DTNB: variants seen among roughly 807,000 people sequenced by gnomAD.
DTNB encodes the protein dystrobrevin beta.
In DTNB, 63 loss-of-function variants were observed where a neutral mutation model predicts 90.7. The observed-to-expected ratio is 0.69, with a 90% CI of 0.57 to 0.86. The LOEUF is 0.86. DTNB is among the 40% of genes least tolerant of loss of function. DTNB has a pLI of 0.00. For missense variants in DTNB, 744 were observed against 807.1 expected (o/e 0.92, Z 0.95); for synonymous variants, 277 against 286.7 (o/e 0.97, Z 0.34).
chr2:25,430,598 A>G (rs1387788723), intron 14 of DTNB, among the ~76,000 whole-genome samples: 1 of 152,194 alleles, frequency 6.6e-6, no homozygotes, highest in Non-Finnish European at 1.5e-5. Context: ...TTAAGCTTAG[A>G]AAACAAAAAG....
At chr2:25,429,654 T>G (rs909337923) in intron 14 of DTNB, among the ~76,000 whole-genome samples, 2 of 152,186 alleles carry the variant, frequency 1.3e-5, no homozygotes, top group African/African-American at 4.8e-5. Flanking sequence ...GGTCAGGGGA[T>G]GGGCCTTACT....
intron 10 of DTNB, among the ~76,000 whole-genome samples, chr2:25,465,794 A>G (rs1284518548): frequency 1.3e-5 from 2 of 152,144 alleles, no homozygotes; most frequent in African/African-American, 4.8e-5. Flanking sequence ...CTAAAACCTG[A>G]AACTCTCTGC....
intron 5 of DTNB, among the ~76,000 whole-genome samples, chr2:25,599,674 G>A (rs1265085796): frequency 6.6e-6 from 1 of 152,096 alleles, no homozygotes; most frequent in African/African-American, 2.4e-5. Context: ...CTACCATGCA[G>A]ACAGTTAGAA....
intron 11 of DTNB, among the ~76,000 whole-genome samples, chr2:25,455,037 G>A (rs2059802108): frequency 6.6e-6 from 1 of 152,142 alleles, no homozygotes; most frequent in Non-Finnish European, 1.5e-5. Flanking sequence ...CTCTAAACTT[G>A]GAATGTCAAT....
At chr2:25,509,748 T>G (rs1042346661) in intron 9 of DTNB, among the ~76,000 whole-genome samples, 9 of 129,926 alleles carry the variant, frequency 6.9e-5, no homozygotes, top group Non-Finnish European at 1.1e-4. Flanking sequence ...TTTAGATTCT[T>G]TTTTTTTTTT....
At chr2:25,545,008 T>C (rs902675690) in intron 8 of DTNB, among the ~76,000 whole-genome samples, 11 of 152,236 alleles carry the variant, frequency 7.2e-5, no homozygotes, top group African/African-American at 2.4e-4. Flanking sequence ...TCTGGATTGA[T>C]CTTTTTGTTC....
intron 9 of DTNB, among the ~76,000 whole-genome samples, chr2:25,508,544 A>T (rs2384238): frequency 0.41 from 39,046 of 94,356 alleles, 7,674 homozygotes; most frequent in African/African-American, 0.6. Flanking sequence ...TTTGTTTTTT[A>T]TTTTTTTGAG....
intron 16 of DTNB, chr2:25,399,350 C>G (rs1010612953): frequency 1.7e-5 from 2 of 119,964 alleles, no homozygotes; most frequent in Non-Finnish European, 3.3e-5. Context: ...CGCCCCTGAC[C>G]TTTTTTTTTT....
At chr2:25,404,769 C>T (rs1242409697) in intron 16 of DTNB, among the ~76,000 whole-genome samples, 1 of 152,076 alleles carries the variant, frequency 6.6e-6, no homozygotes, top group East Asian at 1.9e-4. Context: ...GCAGGAGAAT[C>T]GCTTGAACCT....
intron 16 of DTNB, among the ~76,000 whole-genome samples, chr2:25,413,978 G>A (rs915390719): frequency 2.0e-5 from 3 of 152,116 alleles, no homozygotes; most frequent in African/African-American, 7.2e-5. Context: ...CATTCTAACT[G>A]GTGTGAGATG....
chr2:25,526,395 A>ATATATATATATATT, intron 9 of DTNB, among the ~76,000 whole-genome samples: 42 of 49,818 alleles, frequency 8.4e-4, no homozygotes, highest in South Asian at 1.3e-3. Flanking sequence ...ATATATATAT[A>ATATATATATATATT]TTTTTTTTTT....
chr2:25,476,482 G>A (rs1474518394), intron 10 of DTNB, among the ~76,000 whole-genome samples: 1 of 152,206 alleles, frequency 6.6e-6, no homozygotes, highest in Non-Finnish European at 1.5e-5. Context: ...GAAAACCTCT[G>A]TAATGGATTC....
chr2:25,457,342 G>C (rs2060205613), intron 10 of DTNB, among the ~76,000 whole-genome samples: 1 of 152,056 alleles, frequency 6.6e-6, no homozygotes. Context: ...TCCTGTCCCA[G>C]ACTTGGAATG....
chr2:25,518,311 A>G (rs983580582), intron 9 of DTNB, among the ~76,000 whole-genome samples: 1 of 152,212 alleles, frequency 6.6e-6, no homozygotes, highest in African/African-American at 2.4e-5. Context: ...AATGGCAAAC[A>G]GGGTGAGAAA....
rs55876799 is a variant in DTNB, at chr2:25,583,246, CAAAAA to C, written c.604-2425_604-2421del. On this transcript the variant is annotated intron_variant, in intron 6 of 20. Coordinates refer to ENST00000406818, the MANE Select transcript of DTNB (RefSeq NM_021907.5). ...TGAGTGATGCAGTGAGATTCCGTCT[CAAAAA>C]AAAAAAAAAAAATATATATATATAT... is the stretch of plus-strand genomic sequence containing the variant. Among the ~76,000 whole-genome samples, 86 of 97,122 alleles carry C rather than the reference CAAAAA, an allele frequency of 8.9e-4. 1 individual carries two copies. Among genetic ancestry groups the C allele is most frequent in the African/African-American group, 3.2e-3 (83 of 26,222 alleles). 63.7% of individuals were successfully genotyped at this position (97,122 alleles called of 152,430 possible).
At chr2:25,551,941 A>C (rs2056358623) in intron 8 of DTNB, among the ~76,000 whole-genome samples, 1 of 152,236 alleles carries the variant, frequency 6.6e-6, no homozygotes, top group Non-Finnish European at 1.5e-5. Flanking sequence ...TTCTTCAGCT[A>C]TAAACCCTGT....
At chr2:25,422,751 A>C (rs1171959442) in intron 15 of DTNB, among the ~76,000 whole-genome samples, 1 of 152,176 alleles carries the variant, frequency 6.6e-6, no homozygotes, top group African/African-American at 2.4e-5. Context: ...GAAGTAGAAC[A>C]TGGATTAGAA....
intron 11 of DTNB, 59 bp from the exon 12 acceptor site, chr2:25,451,694 T>C: frequency 7.0e-7 from 1 of 1,425,840 alleles, no homozygotes; most frequent in Non-Finnish European, 9.3e-7. Context: ...TCTTGTTCCA[T>C]TCTCAGAAAG....
intron 10 of DTNB, among the ~76,000 whole-genome samples, chr2:25,462,792 C>T (rs1037701042): frequency 3.9e-5 from 6 of 152,102 alleles, no homozygotes; most frequent in African/African-American, 1.4e-4. Context: ...CAAGCTCCGC[C>T]TCCCGGGTTC....
Sources: allele counts gnomAD v4.1 joint callset (sites outside exome capture counted in the v4.1 genomes callset), GRCh38; gene constraint gnomAD v4.1.1; transcripts MANE v1.5; gene names NCBI Gene and HGNC (gene_info 2026-07-23, HGNC 2026-07-21).